Variants in ITPRID1 observed in about 807,000 individuals in gnomAD.
ITPRID1 encodes the protein protein ITPRID1.
A neutral mutation model predicts 95.4 loss-of-function variants in ITPRID1; 96 were observed. That is an observed-to-expected ratio of 1.01 (90% CI 0.85 to 1.19). ITPRID1 has a LOEUF of 1.19. Ranked by LOEUF, ITPRID1 falls within the 50% of genes most tolerant of loss-of-function variation. ITPRID1 has a pLI of 0.00. For missense variants in ITPRID1, 1,339 were observed against 1,252.9 expected (o/e 1.07, Z -1.04); for synonymous variants, 510 against 453.6 (o/e 1.12, Z -1.58).
At chr7:31,592,980 C>T (rs1785930830) in intron 10 of ITPRID1, among the ~76,000 whole-genome samples, 1 of 151,766 alleles carries the variant, frequency 6.6e-6, no homozygotes, top group Non-Finnish European at 1.5e-5. Flanking sequence ...TTAATTAAGC[C>T]CTTTAAAAAT....
At chr7:31,635,812 T>C (rs1012376921) in intron 10 of ITPRID1, among the ~76,000 whole-genome samples, 2 of 151,844 alleles carry the variant, frequency 1.3e-5, no homozygotes, top group East Asian at 3.9e-4. Flanking sequence ...ACAGGAAAAA[T>C]AGCTAATGCA....
At chr7:31,575,240 C>T (rs978431243) in intron 8 of ITPRID1, among the ~76,000 whole-genome samples, 1 of 152,124 alleles carries the variant, frequency 6.6e-6, no homozygotes, top group African/African-American at 2.4e-5. Flanking sequence ...GCAGAGAAAC[C>T]AGAATCTGAC....
intron 1 of ITPRID1, among the ~76,000 whole-genome samples, chr7:31,520,934 A>G (rs745931323): frequency 6.6e-6 from 1 of 151,940 alleles, no homozygotes; most frequent in African/African-American, 2.4e-5. Context: ...CCACAACTGT[A>G]AGAACCCTGG....
chr7:31,655,866 G>A lies in ITPRID1; in HGVS notation c.*3037G>A, dbSNP rs1296046893. On this transcript the variant is annotated 3_prime_UTR_variant, in exon 15 of 15. Coordinates refer to ENST00000615280, the MANE Select transcript of ITPRID1 (RefSeq NM_001257967.3). The stretch of plus-strand genomic sequence containing the variant: ...CTTGCTCCTTCCCTGTAACGCCTAC[G>A]GAATGAAGAGGAACACCTGGCTCTA... 14 of 985,268 alleles carry A rather than the reference G, an allele frequency of 1.4e-5. No individual in the cohort carries two copies. Among genetic ancestry groups the A allele is most frequent in the South Asian group, 9.4e-5 (2 of 21,278 alleles). 61.0% of individuals were successfully genotyped at this position (985,268 alleles called of 1,614,324 possible).
At chr7:31,628,761 G>A (rs868149464) in intron 10 of ITPRID1, among the ~76,000 whole-genome samples, 2 of 152,192 alleles carry the variant, frequency 1.3e-5, no homozygotes, top group East Asian at 3.9e-4. Context: ...CGGCCTGAGC[G>A]TGATTCTTGA....
chr7:31,580,884 G>A (rs1785379091), intron 9 of ITPRID1, among the ~76,000 whole-genome samples: 1 of 152,060 alleles, frequency 6.6e-6, no homozygotes. Flanking sequence ...GTGTATGTAA[G>A]GCAGAGATAG....
chr7:31,539,211 G>A (rs1456177949), intron 1 of ITPRID1, among the ~76,000 whole-genome samples: 1 of 152,082 alleles, frequency 6.6e-6, no homozygotes. Context: ...TTGATACGGG[G>A]TCTTGCTCTG....
At chr7:31,547,414 T>C (rs1015246751) in intron 1 of ITPRID1, among the ~76,000 whole-genome samples, 2 of 152,046 alleles carry the variant, frequency 1.3e-5, no homozygotes, top group East Asian at 3.9e-4. Context: ...AGGAAACACG[T>C]CCTTCTTCCC....
chr7:31,538,064 G>A (rs1479521945), intron 1 of ITPRID1, among the ~76,000 whole-genome samples: 1 of 152,050 alleles, frequency 6.6e-6, no homozygotes, highest in Admixed American at 6.5e-5. Flanking sequence ...CTAAACTTTT[G>A]CTCTAACAGC....
intron 11 of ITPRID1, 62 bp downstream of exon 11, chr7:31,642,320 A>G (rs1207818419): frequency 7.9e-6 from 9 of 1,142,872 alleles, no homozygotes; most frequent in Middle Eastern, 2.0e-4. Context: ...AGCCCTATCA[A>G]CCAGGCTGCC....
At chr7:31,651,025 C>A in intron 12 of ITPRID1, 117 bp from the exon 13 acceptor site, 1 of 1,098,152 alleles carries the variant, frequency 9.1e-7, no homozygotes, top group Non-Finnish European at 1.3e-6. Flanking sequence ...CTTATATTAG[C>A]AGTAGGGCCT....
chr7:31,570,356 AGGGT>A (rs1335906473), intron 6 of ITPRID1, among the ~76,000 whole-genome samples: 3 of 152,162 alleles, frequency 2.0e-5, no homozygotes, highest in Non-Finnish European at 2.9e-5. Flanking sequence ...ATTTGGAGGT[AGGGT>A]CCAGAAATCT....
chr7:31,647,900 T>C (rs1790629243), intron 12 of ITPRID1, among the ~76,000 whole-genome samples: 1 of 152,080 alleles, frequency 6.6e-6, no homozygotes, highest in Non-Finnish European at 1.5e-5. Flanking sequence ...TTGGGTTGTC[T>C]AGGGTAATGA....
chr7:31,594,870 A>C (rs1173514622), intron 10 of ITPRID1, among the ~76,000 whole-genome samples: 1 of 152,082 alleles, frequency 6.6e-6, no homozygotes, highest in African/African-American at 2.4e-5. Flanking sequence ...AAAAAAGAAA[A>C]AAAAAGGGGG....
intron 1 of ITPRID1, among the ~76,000 whole-genome samples, chr7:31,534,197 A>G (rs537128472): frequency 6.6e-6 from 1 of 152,286 alleles, no homozygotes; most frequent in Non-Finnish European, 1.5e-5. Context: ...CCACCAAACC[A>G]GTCCCTGGTG....
intron 9 of ITPRID1, among the ~76,000 whole-genome samples, chr7:31,581,238 C>G (rs1482339574): frequency 6.6e-6 from 1 of 152,140 alleles, no homozygotes; most frequent in East Asian, 1.9e-4. Context: ...ACCAATGATG[C>G]TTTCCCTAAA....
intron 10 of ITPRID1, among the ~76,000 whole-genome samples, chr7:31,612,372 G>GT (rs1220528792): frequency 6.6e-6 from 1 of 151,696 alleles, no homozygotes; most frequent in Non-Finnish European, 1.5e-5. Context: ...GTTTTGTTTT[G>GT]TTTTTGTGTG....
chr7:31,578,805 T>G (rs1785292125), intron 9 of ITPRID1, among the ~76,000 whole-genome samples: 1 of 152,240 alleles, frequency 6.6e-6, no homozygotes, highest in East Asian at 1.9e-4. Context: ...TCAGTGAAAC[T>G]TGCCTTAACC....
chr7:31,600,720 G>T (rs1472923418), intron 10 of ITPRID1, among the ~76,000 whole-genome samples: 1 of 152,076 alleles, frequency 6.6e-6, no homozygotes, highest in East Asian at 1.9e-4. Flanking sequence ...TTCCTCGATG[G>T]GAATCATCGA....
Sources: gnomAD v4.1 joint callset for allele counts (sites outside exome capture counted in the v4.1 genomes callset) on GRCh38, gnomAD v4.1.1 for gene constraint, MANE v1.5 for transcripts, NCBI Gene and HGNC (gene_info 2026-07-23, HGNC 2026-07-21) for gene names.